Variants in FARS2 observed in about 807,000 individuals in gnomAD.
The protein encoded by FARS2 is phenylalanyl-tRNA synthetase 2, mitochondrial.
FARS2 carries 40 observed loss-of-function variants against 46.4 expected under a neutral mutation model. The ratio of observed to expected loss-of-function variants is 0.86; its 90% CI spans 0.67 to 1.12. The LOEUF is 1.12. Among genes scored for constraint, FARS2 ranks in the 50% most tolerant of loss-of-function variants. The pLI is 0.00. For synonymous variants in FARS2, 234 were observed against 214.9 expected (o/e 1.09, Z -0.78); for missense variants, 513 against 567.9 (o/e 0.90, Z 0.98).
chr6:5,445,412 T>C (rs1764127931), intron 4 of FARS2, among the ~76,000 whole-genome samples: 1 of 152,224 alleles, frequency 6.6e-6, no homozygotes, highest in Non-Finnish European at 1.5e-5. Context: ...ATTTTTCTTA[T>C]ATCATTTTTT....
At chr6:5,722,503 C>T (rs983507564) in intron 6 of FARS2, among the ~76,000 whole-genome samples, 8 of 152,276 alleles carry the variant, frequency 5.3e-5, no homozygotes, top group Middle Eastern at 3.4e-3. Context: ...GAGGCAGTGA[C>T]GTTTAAGATG....
chr6:5,445,285 A>C (rs997088439), intron 4 of FARS2, among the ~76,000 whole-genome samples: 3 of 152,230 alleles, frequency 2.0e-5, no homozygotes, highest in Non-Finnish European at 4.4e-5. Flanking sequence ...GCAGCTTTGC[A>C]GGCAGGTAGT....
chr6:5,627,659 A>C (rs1441293483), intron 6 of FARS2, among the ~76,000 whole-genome samples: 5 of 152,248 alleles, frequency 3.3e-5, no homozygotes, highest in Non-Finnish European at 7.3e-5. Flanking sequence ...ACTATCAATT[A>C]CTGGGTCTTT....
At chr6:5,749,360 A>G (rs1196267638) in intron 6 of FARS2, among the ~76,000 whole-genome samples, 1 of 152,224 alleles carries the variant, frequency 6.6e-6, no homozygotes, top group Non-Finnish European at 1.5e-5. Context: ...GGATCTCACC[A>G]GCTGTGGTGG....
intron 4 of FARS2, among the ~76,000 whole-genome samples, chr6:5,468,720 C>T (rs534250513): frequency 2.0e-5 from 3 of 152,188 alleles, no homozygotes; most frequent in African/African-American, 4.8e-5. Flanking sequence ...AACAATTAGC[C>T]GGTTATTCAT....
In FARS2 at chr6:5,745,079, A is replaced by T. The variant is rs558584198; in HGVS notation, c.1218-26212A>T. Among the ~76,000 whole-genome samples the T allele has an allele frequency of 3.3e-5, 5 of 152,322 alleles. No homozygotes were observed. In the South Asian group the frequency reaches 1.0e-3, roughly 32 times the overall value. On this transcript the variant is annotated intron_variant, in intron 6 of 6. Transcript: ENST00000274680. ...TGAGCATCCACAAATATACCCACAA[A>T]ATGCTATCCTAGAAAAGAGCCATTA...
intron 6 of FARS2, among the ~76,000 whole-genome samples, chr6:5,629,708 G>A (rs558768536): frequency 3.7e-4 from 57 of 152,112 alleles, no homozygotes; most frequent in Non-Finnish European, 5.3e-4. Context: ...TTGGTGGTTG[G>A]AAAACAGGTC....
intron 4 of FARS2, among the ~76,000 whole-genome samples, chr6:5,464,532 C>T (rs1364677354): frequency 2.0e-5 from 3 of 152,192 alleles, no homozygotes; most frequent in African/African-American, 7.2e-5. Flanking sequence ...CACTTTTTCC[C>T]TTCTCTGTTT....
intron 5 of FARS2, among the ~76,000 whole-genome samples, chr6:5,553,427 G>A (rs548869655): frequency 9.2e-5 from 14 of 152,054 alleles, no homozygotes; most frequent in Non-Finnish European, 1.3e-4. Context: ...GAGTTTGGGC[G>A]CTGTTATTCT....
intron 6 of FARS2, among the ~76,000 whole-genome samples, chr6:5,760,105 T>C (rs1762406353): frequency 6.6e-6 from 1 of 152,214 alleles, no homozygotes; most frequent in African/African-American, 2.4e-5. Flanking sequence ...AAAATAACAG[T>C]GTCATTGGAA....
chr6:5,481,130 G>A lies in FARS2; in HGVS notation c.904+49958G>A, dbSNP rs534219564. 7.9e-5 allele frequency among the ~76,000 whole-genome samples: 12 copies of A among 152,238 alleles called. No individual in the cohort carries two copies. The South Asian group carries it at 1.7e-3, about 21-fold the overall frequency. ...CCCTTTCAACTCCCTGTCTCTCCCCGCTGGAAAGAGAAATATTCTGGCACA... is the reference window on the plus strand; with the variant it reads ...CCCTTTCAACTCCCTGTCTCTCCCCACTGGAAAGAGAAATATTCTGGCACA... On this transcript the variant is annotated intron_variant, in intron 4 of 6. Transcript: ENST00000274680.
chr6:5,545,107 C>A, intron 4 of FARS2, 73 bp from the exon 5 acceptor site: 2 of 1,421,942 alleles, frequency 1.4e-6, no homozygotes, highest in Non-Finnish European at 2.0e-6. Flanking sequence ...TCACTGATAA[C>A]TGTCAGGGAG....
At chr6:5,605,837 A>C (rs1040894847) in intron 5 of FARS2, among the ~76,000 whole-genome samples, 3 of 152,244 alleles carry the variant, frequency 2.0e-5, no homozygotes, top group African/African-American at 7.2e-5. Flanking sequence ...AAGAGGCAAA[A>C]ACTGGCAGAA....
chr6:5,690,136 C>G (rs936451859), intron 6 of FARS2, among the ~76,000 whole-genome samples: 9 of 152,142 alleles, frequency 5.9e-5, no homozygotes, highest in Non-Finnish European at 1.0e-4. Context: ...ACTGATGGGT[C>G]TTGACTTTTT....
At chr6:5,516,433 T>A (rs1768799088) in intron 4 of FARS2, among the ~76,000 whole-genome samples, 1 of 152,218 alleles carries the variant, frequency 6.6e-6, no homozygotes, top group Admixed American at 6.5e-5. Context: ...TAAATGGATT[T>A]TAATTATACA....
At chr6:5,340,644 A>G (rs531912272) in intron 1 of FARS2, among the ~76,000 whole-genome samples, 32 of 152,310 alleles carry the variant, frequency 2.1e-4, no homozygotes, top group South Asian at 1.7e-3. Context: ...TACAGAATAA[A>G]TGCAAAGATG....
At chr6:5,578,397 G>C (rs115101818) in intron 5 of FARS2, among the ~76,000 whole-genome samples, 1 of 152,110 alleles carries the variant, frequency 6.6e-6, no homozygotes, top group Admixed American at 6.5e-5. Context: ...CTTGTGTCTC[G>C]TTCCATGTGT....
At chr6:5,295,967 T>G (rs1767828917) in intron 1 of FARS2, among the ~76,000 whole-genome samples, 1 of 152,042 alleles carries the variant, frequency 6.6e-6, no homozygotes, top group African/African-American at 2.4e-5. Flanking sequence ...AAGATAGCAG[T>G]GATACCATGG....
chr6:5,659,180 G>T (rs1416158455), intron 6 of FARS2, among the ~76,000 whole-genome samples: 3 of 152,124 alleles, frequency 2.0e-5, no homozygotes, highest in Admixed American at 2.0e-4. Context: ...TGTTCACATG[G>T]TTAATTATGG....
Sources: allele counts gnomAD v4.1 joint callset (sites outside exome capture counted in the v4.1 genomes callset), GRCh38; gene constraint gnomAD v4.1.1; transcripts MANE v1.5; gene names NCBI Gene and HGNC (gene_info 2026-07-23, HGNC 2026-07-21).